COL25A1: variants seen among roughly 807,000 people sequenced by gnomAD.
COL25A1 encodes the protein collagen alpha-1(XXV) chain.
A neutral mutation model predicts 128.4 loss-of-function variants in COL25A1; 103 were observed. That is an observed-to-expected ratio of 0.80 (90% CI 0.68 to 0.94). COL25A1 has a LOEUF of 0.94. Ranked by LOEUF, COL25A1 falls within the 40% of genes least tolerant of loss-of-function variation. The pLI, the probability that COL25A1 is intolerant of heterozygous loss-of-function variation, is 0.00. For missense variants in COL25A1, 745 were observed against 840.0 expected (o/e 0.89, Z 1.40); for synonymous variants, 279 against 277.2 (o/e 1.01, Z -0.06).
At chr4:109,081,246 T>C (rs1301610533) in intron 3 of COL25A1, among the ~76,000 whole-genome samples, 1 of 152,200 alleles carries the variant, frequency 6.6e-6, no homozygotes. Flanking sequence ...TATCACCCAC[T>C]ACAGTTTTTT....
intron 13 of COL25A1, among the ~76,000 whole-genome samples, chr4:108,913,405 T>C (rs532554280): frequency 9.4e-4 from 143 of 151,868 alleles, no homozygotes; most frequent in Non-Finnish European, 1.7e-3. Context: ...ATTACAGGCA[T>C]GCACCACCAT....
intron 11 of COL25A1, among the ~76,000 whole-genome samples, chr4:108,922,954 A>T (rs1560869665): frequency 6.6e-6 from 1 of 152,170 alleles, no homozygotes; most frequent in South Asian, 2.1e-4. Flanking sequence ...AGTATCATCC[A>T]TTACTCGGGG....
At chr4:109,193,716 G>C (rs979047465) in intron 3 of COL25A1, among the ~76,000 whole-genome samples, 1 of 152,166 alleles carries the variant, frequency 6.6e-6, no homozygotes. Flanking sequence ...AGGATGCTGA[G>C]TAGGAGTCCC....
chr4:109,142,257 T>A (rs1770485391), intron 3 of COL25A1, among the ~76,000 whole-genome samples: 2 of 152,240 alleles, frequency 1.3e-5, no homozygotes, highest in African/African-American at 4.8e-5. Context: ...TTCTTAATCC[T>A]GAGTTCTAAT....
intron 3 of COL25A1, among the ~76,000 whole-genome samples, chr4:109,113,540 T>C (rs983540608): frequency 6.6e-6 from 1 of 152,152 alleles, no homozygotes; most frequent in Non-Finnish European, 1.5e-5. Flanking sequence ...TTTCAAAATG[T>C]TAATTCTGTT....
At chr4:108,937,584 G>A (rs560282817) in intron 11 of COL25A1, among the ~76,000 whole-genome samples, 1 of 110,648 alleles carries the variant, frequency 9.0e-6, no homozygotes, top group South Asian at 5.6e-4. Flanking sequence ...CATCTCTGTC[G>A]CTCCCCACAC....
chr4:108,900,533 A>G (rs772277794), intron 14 of COL25A1, among the ~76,000 whole-genome samples: 1 of 152,172 alleles, frequency 6.6e-6, no homozygotes, highest in Non-Finnish European at 1.5e-5. Flanking sequence ...ATTGTCCCCA[A>G]TCTTTTTATA....
At chr4:109,069,221 T>A (rs975289454) in intron 3 of COL25A1, among the ~76,000 whole-genome samples, 1 of 151,784 alleles carries the variant, frequency 6.6e-6, no homozygotes, top group East Asian at 1.9e-4. Context: ...TTTCTTTTTT[T>A]TTTTTTAAGA....
intron 3 of COL25A1, among the ~76,000 whole-genome samples, chr4:109,147,905 G>A (rs1771109543): frequency 6.6e-6 from 1 of 151,902 alleles, no homozygotes; most frequent in Admixed American, 6.6e-5. Context: ...GTGCTTATAA[G>A]GTCAGCCAGG....
At chr4:109,101,586 G>A (rs1237484589) in intron 3 of COL25A1, among the ~76,000 whole-genome samples, 1 of 152,164 alleles carries the variant, frequency 6.6e-6, no homozygotes, top group Admixed American at 6.5e-5. Flanking sequence ...GTTTGCAGAA[G>A]CTAATCCAAT....
rs59400970 is a variant in COL25A1, at chr4:108,973,603, T to C, written c.492+764A>G. 6.3e-3 allele frequency among the ~76,000 whole-genome samples: 959 copies of C among 152,348 alleles called. 7 individuals carry two copies. Among genetic ancestry groups the C allele is most frequent in the African/African-American group, 0.021 (891 of 41,590 alleles). On this transcript the variant is annotated intron_variant, in intron 8 of 37. Coordinates refer to ENST00000399132, the MANE Select transcript of COL25A1 (RefSeq NM_198721.4). ...GAGCCTTTCCACTGTAAAAAATTAC[T>C]CTATTCAACCAAATACTTGCTTTTG...
intron 3 of COL25A1, among the ~76,000 whole-genome samples, chr4:109,055,111 T>C (rs1190128420): frequency 6.6e-6 from 1 of 152,188 alleles, no homozygotes; most frequent in Non-Finnish European, 1.5e-5. Context: ...ACCTGTTTGC[T>C]TGCTTAATGC....
At chr4:108,817,522 A>C in intron 36 of COL25A1, 87 bp from the exon 37 acceptor site, 1 of 1,276,316 alleles carries the variant, frequency 7.8e-7, no homozygotes, top group Admixed American at 2.0e-5. Context: ...CTTAAAAATA[A>C]ATTTCTACCC....
intron 4 of COL25A1, among the ~76,000 whole-genome samples, chr4:109,049,566 T>A (rs1209102269): frequency 6.6e-6 from 1 of 152,194 alleles, no homozygotes; most frequent in Non-Finnish European, 1.5e-5. Flanking sequence ...AACTACAAAA[T>A]GAAAATTCTA....
rs560800335 is a variant in COL25A1 at position 109,248,081 on chromosome 4, C to G, written c.367+52502G>C. ...AAGATAATATATGAGAATATTTTAC[C>G]TTCTACGCATGCCTATATAATGTAT... On this transcript the variant is annotated intron_variant, in intron 3 of 37. Transcript: ENST00000399132. Among the ~76,000 whole-genome samples the G allele has an allele frequency of 1.7e-3, 259 of 152,054 alleles. 1 individual carries two copies. The highest frequency in any genetic ancestry group is 6.0e-3 in the African/African-American group (248 of 41,498).
chr4:109,060,059 T>A (rs1761819514), intron 3 of COL25A1, among the ~76,000 whole-genome samples: 1 of 152,216 alleles, frequency 6.6e-6, no homozygotes, highest in African/African-American at 2.4e-5. Context: ...CTTGTCTTCA[T>A]CTACAAACTA....
At chr4:108,855,247 G>C (rs1736358539) in intron 24 of COL25A1, among the ~76,000 whole-genome samples, 2 of 149,446 alleles carry the variant, frequency 1.3e-5, no homozygotes, top group African/African-American at 4.9e-5. Context: ...ACAAACTGGG[G>C]GCAAGGTTAT....
chr4:109,163,749 T>A (rs553598210), intron 3 of COL25A1, among the ~76,000 whole-genome samples: 1 of 152,352 alleles, frequency 6.6e-6, no homozygotes, highest in East Asian at 1.9e-4. Flanking sequence ...AGGTTCATTA[T>A]GAGAAGCCAC....
intron 3 of COL25A1, among the ~76,000 whole-genome samples, chr4:109,281,170 C>T (rs1027379279): frequency 2.0e-5 from 3 of 152,070 alleles, no homozygotes; most frequent in African/African-American, 4.8e-5. Context: ...TAGTTAACTA[C>T]AAGCAATATA....
Sources: gnomAD v4.1 joint callset for allele counts (sites outside exome capture counted in the v4.1 genomes callset) on GRCh38, gnomAD v4.1.1 for gene constraint, MANE v1.5 for transcripts, NCBI Gene and HGNC (gene_info 2026-07-23, HGNC 2026-07-21) for gene names.